Variants in CPEB1 observed in about 807,000 individuals in gnomAD.
CPEB1 encodes cytoplasmic polyadenylation element-binding protein 1.
A neutral mutation model predicts 65.8 loss-of-function variants in CPEB1; 7 were observed. The observed-to-expected ratio is 0.11, with a 90% CI of 0.06 to 0.20. The LOEUF (loss-of-function observed/expected upper bound fraction) is 0.20, where lower values mean the gene tolerates loss of function less well. Among genes scored for constraint, CPEB1 ranks in the 10% least tolerant of loss-of-function variants. The pLI is 1.00. For synonymous variants in CPEB1, 262 were observed against 260.0 expected (o/e 1.01, Z -0.08); for missense variants, 551 against 712.2 (o/e 0.77, Z 2.58).
At chr15:82,616,699 C>T (rs1448399607) in intron 3 of CPEB1, among the ~76,000 whole-genome samples, 7 of 152,038 alleles carry the variant, frequency 4.6e-5, no homozygotes, top group Non-Finnish European at 8.8e-5. Flanking sequence ...CATGGCACCA[C>T]GCCTGGCTAA....
chr15:82,601,506 A>C (rs980248172), intron 3 of CPEB1, among the ~76,000 whole-genome samples: 1 of 151,992 alleles, frequency 6.6e-6, no homozygotes, highest in Admixed American at 6.6e-5. Flanking sequence ...ACGCCACTGC[A>C]CTCCAGCCTG....
chr15:82,548,923 T>C (rs2035764477), intron 10 of CPEB1, among the ~76,000 whole-genome samples: 2 of 152,222 alleles, frequency 1.3e-5, no homozygotes, highest in African/African-American at 4.8e-5. Context: ...ACTGGCGAAT[T>C]GACCTCCTTT....
chr15:82,586,844 G>A (rs1427798756), intron 3 of CPEB1, among the ~76,000 whole-genome samples: 1 of 152,176 alleles, frequency 6.6e-6, no homozygotes, highest in Non-Finnish European at 1.5e-5. Context: ...ATTTTAAAGA[G>A]TTAAAAGTTG....
At chr15:82,625,786 A>C (rs77227857) in intron 3 of CPEB1, among the ~76,000 whole-genome samples, 1 of 152,188 alleles carries the variant, frequency 6.6e-6, no homozygotes, top group East Asian at 1.9e-4. Context: ...GTTTTCAAGG[A>C]CCATTTTTAA....
upstream of CPEB1, chr15:82,647,552 G>A (rs1466976259): frequency 1.0e-5 from 3 of 300,910 alleles, no homozygotes; most frequent in African/African-American, 4.4e-5. Context: ...GCTCCCGTCT[G>A]GACAGACGCT....
chr15:82,624,415 G>A (rs945265719), intron 3 of CPEB1, among the ~76,000 whole-genome samples: 1 of 152,158 alleles, frequency 6.6e-6, no homozygotes, highest in African/African-American at 2.4e-5. Context: ...ATTCTGTCCT[G>A]CAGCTGAGAA....
intron 3 of CPEB1, among the ~76,000 whole-genome samples, chr15:82,620,439 A>AAGG (rs35686262): frequency 6.6e-6 from 1 of 151,528 alleles, no homozygotes. Context: ...AGAAAAAAAA[A>AAGG]GTGTACATAT....
At chr15:82,630,667 A>G (rs2046164671) in intron 1 of CPEB1, among the ~76,000 whole-genome samples, 1 of 152,096 alleles carries the variant, frequency 6.6e-6, no homozygotes, top group Admixed American at 6.6e-5. Context: ...AACACAGACT[A>G]CAACGTGCTG....
chr15:82,616,501 G>A (rs2044723507), intron 3 of CPEB1, among the ~76,000 whole-genome samples: 1 of 151,716 alleles, frequency 6.6e-6, no homozygotes, highest in African/African-American at 2.4e-5. Flanking sequence ...GTTAAAGATC[G>A]GTGGTAAATA....
chr15:82,615,251 C>A (rs2044606313), intron 3 of CPEB1, among the ~76,000 whole-genome samples: 1 of 152,126 alleles, frequency 6.6e-6, no homozygotes, highest in South Asian at 2.1e-4. Context: ...TATGTTTACA[C>A]CACCACATGA....
At chr15:82,588,651 C>G (rs1392146435) in intron 3 of CPEB1, among the ~76,000 whole-genome samples, 1 of 152,134 alleles carries the variant, frequency 6.6e-6, no homozygotes, top group African/African-American at 2.4e-5. Context: ...CAACATTGAT[C>G]TTGACTTACT....
chr15:82,645,143 G>C (rs1596152116), intron 1 of CPEB1, among the ~76,000 whole-genome samples: 1 of 152,158 alleles, frequency 6.6e-6, no homozygotes, highest in South Asian at 2.1e-4. Context: ...CGGTTCGGAG[G>C]GGGGAAACCA....
intron 4 of CPEB1, among the ~76,000 whole-genome samples, chr15:82,561,353 A>G (rs6603030): frequency 0.83 from 126,723 of 152,168 alleles, 53,355 homozygotes; most frequent in African/African-American, 0.96. Context: ...TAAAGCAGAA[A>G]ATGGGGGGAG....
intron 3 of CPEB1, among the ~76,000 whole-genome samples, chr15:82,608,844 A>T (rs2043871485): frequency 6.6e-6 from 1 of 152,230 alleles, no homozygotes; most frequent in Admixed American, 6.5e-5. Context: ...AACACTATAA[A>T]ACAACTAGAA....
At chr15:82,623,367 G>C (rs894101469) in intron 3 of CPEB1, among the ~76,000 whole-genome samples, 2 of 152,090 alleles carry the variant, frequency 1.3e-5, no homozygotes, top group African/African-American at 2.4e-5. Context: ...AAGAACTAGT[G>C]GGGAAAAGCA....
intron 3 of CPEB1, 66 bp from the exon 4 acceptor site, chr15:82,571,598 A>G (rs1355775703): frequency 2.0e-6 from 3 of 1,536,000 alleles, no homozygotes; most frequent in South Asian, 2.6e-5. Flanking sequence ...TATTATCAAC[A>G]GTAAATATTA....
intron 3 of CPEB1, among the ~76,000 whole-genome samples, chr15:82,587,870 C>T (rs2041923573): frequency 6.6e-6 from 1 of 152,092 alleles, no homozygotes; most frequent in African/African-American, 2.4e-5. Context: ...AGAAGTAGTT[C>T]AGTACTTCTA....
At chr15:82,551,837 T>A (rs1197536251) in intron 9 of CPEB1, among the ~76,000 whole-genome samples, 1 of 152,110 alleles carries the variant, frequency 6.6e-6, no homozygotes, top group Non-Finnish European at 1.5e-5. Flanking sequence ...CCCAGAGTGA[T>A]TCAGTAAGTC....
intron 3 of CPEB1, 26 bp downstream of exon 3, chr15:82,627,167 C>A: frequency 1.3e-6 from 2 of 1,596,998 alleles, no homozygotes; most frequent in Non-Finnish European, 1.7e-6. Flanking sequence ...ATGCCTACCA[C>A]GTTCAAGTTT....
Sources: allele counts gnomAD v4.1 joint callset (sites outside exome capture counted in the v4.1 genomes callset), GRCh38; gene constraint gnomAD v4.1.1; transcripts MANE v1.5; gene names NCBI Gene and HGNC (gene_info 2026-07-23, HGNC 2026-07-21).